The following MGMT variants were observed in gnomAD, a reference collection of about 807,000 sequenced individuals.
MGMT encodes O-6-methylguanine-DNA methyltransferase, also known as methylated-DNA--protein-cysteine methyltransferase.
In MGMT, 14 loss-of-function variants were observed where a neutral mutation model predicts 15.9. The ratio of observed to expected loss-of-function variants is 0.88; its 90% CI spans 0.58 to 1.37. The LOEUF is 1.37. Among genes scored for constraint, MGMT ranks in the 40% most tolerant of loss-of-function variants. The pLI is 0.00. For missense variants in MGMT, 282 were observed against 268.1 expected, an observed-to-expected ratio of 1.05 and a Z score of -0.36; for synonymous variants, 130 against 118.2, an observed-to-expected ratio of 1.10 and a Z score of -0.65.
chr10:129,590,884 C>T (rs1846676016), intron 2 of MGMT, among the ~76,000 whole-genome samples: 1 of 152,254 alleles, frequency 6.6e-6, no homozygotes, highest in Non-Finnish European at 1.5e-5. Flanking sequence ...TCCAGCCTCT[C>T]TCCCGCCGGC....
intron 2 of MGMT, among the ~76,000 whole-genome samples, chr10:129,684,870 A>T (rs1022727497): frequency 1.2e-4 from 19 of 152,262 alleles, no homozygotes; most frequent in Non-Finnish European, 1.5e-5. Flanking sequence ...TAAAAATTGC[A>T]GTTCATGGCG....
intron 2 of MGMT, among the ~76,000 whole-genome samples, chr10:129,583,843 C>G (rs188842273): frequency 6.6e-6 from 1 of 152,130 alleles, no homozygotes; most frequent in African/African-American, 2.4e-5. Flanking sequence ...CAAGTCTTGA[C>G]TTTCGTTTTG....
chr10:129,614,543 G>A (rs1847000609), intron 2 of MGMT, among the ~76,000 whole-genome samples: 1 of 152,198 alleles, frequency 6.6e-6, no homozygotes, highest in Admixed American at 6.5e-5. Flanking sequence ...AGCGGCCTTG[G>A]ACAGCTTTCG....
chr10:129,697,891 T>C (rs1171032021), intron 2 of MGMT, among the ~76,000 whole-genome samples: 1 of 152,176 alleles, frequency 6.6e-6, no homozygotes, highest in African/African-American at 2.4e-5. Context: ...TGCCCCTAAA[T>C]TCTTACATCC....
At chr10:129,650,692 C>T (rs909936003) in intron 2 of MGMT, among the ~76,000 whole-genome samples, 1 of 152,152 alleles carries the variant, frequency 6.6e-6, no homozygotes, top group Non-Finnish European at 1.5e-5. Flanking sequence ...GCACGTCTTT[C>T]CTTGGTGTGG....
At chr10:129,555,665 T>C (rs1846205272) in intron 2 of MGMT, among the ~76,000 whole-genome samples, 1 of 151,654 alleles carries the variant, frequency 6.6e-6, no homozygotes, top group South Asian at 2.1e-4. Context: ...CAGTGAGCTG[T>C]GATTATGCCA....
intron 2 of MGMT, among the ~76,000 whole-genome samples, chr10:129,658,449 T>A (rs1256649097): frequency 6.6e-6 from 1 of 152,246 alleles, no homozygotes; most frequent in African/African-American, 2.4e-5. Context: ...CTTGCCAGTA[T>A]TTCTTAGAGA....
In MGMT at chr10:129,536,090, A is replaced by G. The variant is rs944955197; in HGVS notation, c.-12-151A>G. On this transcript the variant is annotated intron_variant, in intron 1 of 4. Coordinates refer to ENST00000651593, the MANE Select transcript of MGMT (RefSeq NM_002412.5). ...AATTTTCTGTCTTCAGAGTAATCAT[A>G]TTGTGAAAATGATGCATCGTATAAT... 6.0e-6 allele frequency: 5 copies of G among 830,500 alleles called. No individual in the cohort carries two copies. In the Admixed American group the frequency reaches 8.8e-5, roughly 15 times the overall value. The allele number at this position is 830,500 out of a possible 1,614,324, so 51.4% of individuals were successfully genotyped here.
chr10:129,571,868 A>G (rs1846423673), intron 2 of MGMT, among the ~76,000 whole-genome samples: 1 of 152,252 alleles, frequency 6.6e-6, no homozygotes, highest in South Asian at 2.1e-4. Context: ...GCATCAGAAT[A>G]CAATATAAAT....
rs142336156 is a variant in MGMT at position 129,632,137 on chromosome 10, C to T, written c.126-75758C>T. 1.9e-4 allele frequency among the ~76,000 whole-genome samples: 29 copies of T among 152,328 alleles called. No homozygotes were observed. The East Asian group carries it at 5.2e-3, about 27-fold the overall frequency. On this transcript the variant is annotated intron_variant, in intron 2 of 4. Transcript: ENST00000651593. ...TGGGATATGCCTTTTTATGCACCAGCGTATGCATTGTGCCACATCCTTAGA... is the reference window on the plus strand; with the variant it reads ...TGGGATATGCCTTTTTATGCACCAGTGTATGCATTGTGCCACATCCTTAGA...
chr10:129,475,809 G>A (rs1427904820), intron 1 of MGMT, among the ~76,000 whole-genome samples: 1 of 152,258 alleles, frequency 6.6e-6, no homozygotes, highest in Non-Finnish European at 1.5e-5. Flanking sequence ...CTGTTCCTTG[G>A]AAGGAATGCA....
intron 3 of MGMT, among the ~76,000 whole-genome samples, chr10:129,734,898 C>G (rs1848542711): frequency 6.6e-6 from 1 of 152,098 alleles, no homozygotes; most frequent in Non-Finnish European, 1.5e-5. Context: ...GCCTTGCATC[C>G]CAGGGATGAA....
chr10:129,687,784 G>A (rs1327666728), intron 2 of MGMT, among the ~76,000 whole-genome samples: 1 of 151,374 alleles, frequency 6.6e-6, no homozygotes, highest in Non-Finnish European at 1.5e-5. Context: ...TGCCATGTTG[G>A]TGTGCTGCAC....
At chr10:129,575,179 C>A (rs1011139647) in intron 2 of MGMT, among the ~76,000 whole-genome samples, 14 of 152,230 alleles carry the variant, frequency 9.2e-5, no homozygotes, top group Admixed American at 5.9e-4. Flanking sequence ...CTGCACCAAG[C>A]GGACCTAATA....
chr10:129,697,384 C>T (rs1848044187), intron 2 of MGMT, among the ~76,000 whole-genome samples: 1 of 152,164 alleles, frequency 6.6e-6, no homozygotes. Context: ...GCTTCTATTC[C>T]ACGGAGATGC....
chr10:129,611,730 C>T (rs544805792), intron 2 of MGMT, among the ~76,000 whole-genome samples: 15 of 152,122 alleles, frequency 9.9e-5, no homozygotes, highest in African/African-American at 1.4e-4. Flanking sequence ...TCTTGGCTCC[C>T]GGGTGCGCTC....
chr10:129,651,978 G>A (rs535375595), intron 2 of MGMT, among the ~76,000 whole-genome samples: 6 of 152,330 alleles, frequency 3.9e-5, no homozygotes, highest in Admixed American at 2.0e-4. Flanking sequence ...GATGTTCAGC[G>A]TTGGCCAGGA....
intron 2 of MGMT, among the ~76,000 whole-genome samples, chr10:129,623,765 C>T (rs1261412009): frequency 6.6e-6 from 1 of 152,174 alleles, no homozygotes; most frequent in Admixed American, 6.5e-5. Context: ...AAGCAGTCTT[C>T]CTGCCTTGGC....
chr10:129,705,109 TG>T (rs1848145276), intron 2 of MGMT, among the ~76,000 whole-genome samples: 1 of 152,224 alleles, frequency 6.6e-6, no homozygotes, highest in African/African-American at 2.4e-5. Flanking sequence ...TTGGTCATGG[TG>T]TCACCACGCA....
Sources: gnomAD v4.1 joint callset for allele counts (sites outside exome capture counted in the v4.1 genomes callset) on GRCh38, gnomAD v4.1.1 for gene constraint, MANE v1.5 for transcripts, NCBI Gene and HGNC (gene_info 2026-07-23, HGNC 2026-07-21) for gene names.